The following TMEM217 variants were observed in gnomAD, a reference collection of about 807,000 sequenced individuals.
TMEM217 encodes chromosome 6 open reading frame 128.
For missense variants in TMEM217, 204 were observed against 248.8 expected, an observed-to-expected ratio of 0.82 and a Z score of 1.21; for synonymous variants, 76 against 88.3, an observed-to-expected ratio of 0.86 and a Z score of 0.78.
chr6:37,219,065 G>A (rs1039113667), intron 1 of TMEM217, 24 bp from the exon 2 acceptor site: 91 of 1,578,908 alleles, frequency 5.8e-5, no homozygotes, highest in Non-Finnish European at 7.6e-5. Context: ...CAACATGAGG[G>A]AGAATTCTAG....
intron 1 of TMEM217, among the ~76,000 whole-genome samples, chr6:37,249,725 T>C (rs770827165): frequency 2.0e-5 from 3 of 152,196 alleles, no homozygotes; most frequent in Non-Finnish European, 2.9e-5. Context: ...TTGAACCACC[T>C]TTTCCCTCCA....
intron 1 of TMEM217, 129 bp from the exon 2 acceptor site, chr6:37,219,170 T>C: frequency 1.2e-6 from 1 of 810,242 alleles, no homozygotes; most frequent in South Asian, 1.8e-5. Context: ...TGGGAAACTA[T>C]AGCCTTGGGA....
intron 1 of TMEM217, among the ~76,000 whole-genome samples, chr6:37,248,462 C>G (rs1365326275): frequency 1.3e-5 from 2 of 152,182 alleles, no homozygotes; most frequent in Non-Finnish European, 2.9e-5. Context: ...TTCACTCACC[C>G]AATACCTTGC....
Position 37,231,012 on chromosome 6 carries a change from C to A in TMEM217, c.-11-11971G>T, listed in dbSNP as rs1028140027. On this transcript the variant is annotated intron_variant, in intron 1 of 1. Coordinates refer to ENST00000357219, the Ensembl canonical transcript of TMEM217. Reference sequence around the variant, plus strand: ...GATTAAACCAAATCAATTCAAGAACCTAGTTAAACCACTGTCACTAAATTC... The same window carrying A: ...GATTAAACCAAATCAATTCAAGAACATAGTTAAACCACTGTCACTAAATTC... 9.9e-5 allele frequency among the ~76,000 whole-genome samples: 15 copies of A among 152,012 alleles called. No individual in the cohort carries two copies. The Middle Eastern group carries it at 0.01, about 103-fold the overall frequency.
intron 1 of TMEM217, among the ~76,000 whole-genome samples, chr6:37,226,647 C>T (rs950646182): frequency 2.6e-5 from 4 of 151,896 alleles, no homozygotes; most frequent in South Asian, 2.1e-4. Context: ...GGCACGATCT[C>T]GCCTCCCAGG....
intron 1 of TMEM217, among the ~76,000 whole-genome samples, chr6:37,245,081 C>T (rs1764980051): frequency 1.3e-5 from 2 of 152,212 alleles, no homozygotes; most frequent in South Asian, 2.1e-4. Context: ...TGTTTACTAA[C>T]ATCCCATTGA....
intron 1 of TMEM217, among the ~76,000 whole-genome samples, chr6:37,252,499 C>CATAT (rs58540243): frequency 6.6e-6 from 1 of 150,676 alleles, no homozygotes; most frequent in African/African-American, 2.5e-5. Context: ...TACATGTATG[C>CATAT]ATATATATAT....
chr6:37,257,033 T>C (rs572917865), intron 1 of TMEM217, among the ~76,000 whole-genome samples: 18 of 152,192 alleles, frequency 1.2e-4, no homozygotes, highest in Non-Finnish European at 2.2e-4. Flanking sequence ...AGGAGATACA[T>C]CCTTAACTTT....
chr6:37,227,792 C>G (rs886528037), intron 1 of TMEM217, among the ~76,000 whole-genome samples: 1 of 151,710 alleles, frequency 6.6e-6, no homozygotes, highest in African/African-American at 2.4e-5. Context: ...ATTACATCAT[C>G]TCATCTGACT....
intron 1 of TMEM217, among the ~76,000 whole-genome samples, chr6:37,255,098 G>GCAA (rs1765646236): frequency 6.6e-6 from 1 of 152,154 alleles, no homozygotes; most frequent in South Asian, 2.1e-4. Context: ...TTCCTAACAG[G>GCAA]CAACAGACAG....
At chr6:37,254,951 T>A (rs569976051) in intron 1 of TMEM217, among the ~76,000 whole-genome samples, 33 of 152,224 alleles carry the variant, frequency 2.2e-4, no homozygotes, top group Middle Eastern at 3.4e-3. Flanking sequence ...GCAACCTAGA[T>A]CCCTTGTATG....
At chr6:37,213,739 A>G (rs1763029954), downstream of TMEM217, among the ~76,000 whole-genome samples, 1 of 152,222 alleles carries the variant, frequency 6.6e-6, no homozygotes, top group African/African-American at 2.4e-5. Flanking sequence ...GCATGTTGAT[A>G]ATGGGGGACC....
chr6:37,217,722 C>T (rs867501923), exon 2 of TMEM217: 5 of 985,210 alleles, frequency 5.1e-6, no homozygotes, highest in South Asian at 9.4e-5. Flanking sequence ...ACAAACCCAC[C>T]CCAGGGCCAA....
chr6:37,223,142 CATA>C (rs1428199104), intron 1 of TMEM217, among the ~76,000 whole-genome samples: 2 of 151,576 alleles, frequency 1.3e-5, no homozygotes, highest in East Asian at 1.9e-4. Context: ...ACATGAAAGA[CATA>C]ATAAGATGTT....
In TMEM217 at chr6:37,212,402, C is replaced by T. The variant is rs1441875524; in HGVS notation, c.*595G>A. The T allele has an allele frequency of 1.5e-5, 6 of 393,918 alleles. No individual in the cohort carries two copies. In the East Asian group the frequency reaches 3.6e-4, roughly 24 times the overall value. The allele number at this position is 393,918 out of a possible 1,614,324, so 24.4% of individuals were successfully genotyped here. ...CACCATTCCCTCCCACCTTTCCTGG[C>T]ATCTGGCATGGTTCAGTTTAACTTC... On this transcript the variant is annotated 3_prime_UTR_variant, in exon 4 of 4. Transcript: ENST00000336655.
At chr6:37,215,570 C>CAAAAA (rs34808595), downstream of TMEM217, among the ~76,000 whole-genome samples, 1,254 of 72,382 alleles carry the variant, frequency 0.017, 7 homozygotes, top group Non-Finnish European at 0.023. Flanking sequence ...GACTCTGTCT[C>CAAAAA]AAAAAAAAAA....
chr6:37,247,180 T>C (rs995627782), intron 1 of TMEM217, among the ~76,000 whole-genome samples: 3 of 152,172 alleles, frequency 2.0e-5, no homozygotes, highest in African/African-American at 7.2e-5. Flanking sequence ...GCAGTATCTT[T>C]TGTCCCTGCA....
At chr6:37,242,940 G>A (rs1261809394) in intron 1 of TMEM217, among the ~76,000 whole-genome samples, 2 of 152,100 alleles carry the variant, frequency 1.3e-5, no homozygotes, top group Non-Finnish European at 2.9e-5. Context: ...ACCCCTAGCA[G>A]TCTTCTTCTC....
chr6:37,227,491 G>A lies in TMEM217; in HGVS notation c.-11-8450C>T, dbSNP rs1224965933. Among the ~76,000 whole-genome samples the A allele has an allele frequency of 2.6e-5, 4 of 152,224 alleles. No homozygotes were observed. The East Asian group carries it at 7.7e-4, about 29-fold the overall frequency. ...AGACGGAGTCTCGCTCTGTCACCCA[G>A]GCTGGAGTGTAGTGGCGCGATCTTG... On this transcript the variant is annotated intron_variant, in intron 1 of 1. Coordinates refer to ENST00000357219, the Ensembl canonical transcript of TMEM217.
Sources: allele counts gnomAD v4.1 joint callset (sites outside exome capture counted in the v4.1 genomes callset), GRCh38; gene constraint gnomAD v4.1.1; transcripts MANE v1.5; gene names NCBI Gene and HGNC (gene_info 2026-07-23, HGNC 2026-07-21).